The following NUGGC variants were observed in gnomAD, a reference collection of about 807,000 sequenced individuals.
NUGGC encodes the protein nuclear GTPase, germinal center associated, also known as nuclear GTPase SLIP-GC.
Under a neutral mutation model 92.6 loss-of-function variants are expected in NUGGC, and 58 were observed. That is an observed-to-expected ratio of 0.63 (90% CI 0.51 to 0.78). The LOEUF is 0.78. Among genes scored for constraint, NUGGC ranks in the 30% least tolerant of loss-of-function variants. The pLI, the probability that NUGGC is intolerant of heterozygous loss-of-function variation, is 0.00. For missense variants in NUGGC, 925 were observed against 964.6 expected (o/e 0.96, Z 0.54); for synonymous variants, 376 against 366.4 (o/e 1.03, Z -0.30).
chr8:28,041,392 T>A (rs1809695733), intron 12 of NUGGC, among the ~76,000 whole-genome samples, 177 bp from the exon 13 acceptor site: 1 of 152,216 alleles, frequency 6.6e-6, no homozygotes, highest in Non-Finnish European at 1.5e-5. Flanking sequence ...TTAGGCTTTG[T>A]GGGGTTAGAG....
At chr8:28,032,723 GA>G (rs61015850) in intron 14 of NUGGC, among the ~76,000 whole-genome samples, 22,200 of 87,798 alleles carry the variant, frequency 0.25, 1,882 homozygotes, top group East Asian at 0.34. Context: ...TCCATCTCAA[GA>G]AAAAAAAAAA....
chr8:28,033,876 G>A (rs527348310), intron 13 of NUGGC, among the ~76,000 whole-genome samples, 179 bp from the exon 14 acceptor site: 30 of 152,282 alleles, frequency 2.0e-4, no homozygotes, highest in African/African-American at 6.0e-4. Flanking sequence ...CCTCTAGGTC[G>A]TCTGGGTGCC....
intron 12 of NUGGC, among the ~76,000 whole-genome samples, chr8:28,041,740 C>A (rs931478320): frequency 1.3e-5 from 2 of 152,210 alleles, no homozygotes; most frequent in African/African-American, 2.4e-5. Flanking sequence ...GTCTTCCGAG[C>A]TATGGACCAC....
Position 28,058,251 on chromosome 8 carries a change from T to C in NUGGC, c.1116+7A>G. 2.0e-6 allele frequency: 1 copy of C among 497,358 alleles called. No individual in the cohort carries two copies. Among genetic ancestry groups the C allele is most frequent in the Non-Finnish European group, 3.1e-6 (1 of 318,384 alleles). The allele number at this position is 497,358 out of a possible 1,614,324, so 30.8% of individuals were successfully genotyped here. A position where few individuals can be genotyped will look rare whatever the true frequency, so the allele number is the denominator to read the frequency against. On this transcript the variant is annotated splice_region_variant and intron_variant, in intron 9 of 18. Coordinates refer to ENST00000413272, the MANE Select transcript of NUGGC (RefSeq NM_001010906.2). The stretch of plus-strand genomic sequence containing the variant: ...AATAAAAATAAAAAAAACTAGTTCA[T>C]ACTTACATTTCCTGCCTTTCTTTCC...
At chr8:28,074,046 G>A (rs940161571) in intron 2 of NUGGC, among the ~76,000 whole-genome samples, 31 of 151,476 alleles carry the variant, frequency 2.0e-4, no homozygotes, top group African/African-American at 6.3e-4. Context: ...TGATCCACCC[G>A]CCTCAGCCTC....
At chr8:28,070,418 C>T (rs1585599843) in intron 2 of NUGGC, 62 bp from the exon 3 acceptor site, 3 of 861,540 alleles carry the variant, frequency 3.5e-6, no homozygotes, top group Admixed American at 2.2e-5. Flanking sequence ...CTTGCCTCAC[C>T]TCTATCAGCA....
intron 18 of NUGGC, among the ~76,000 whole-genome samples, chr8:28,026,211 T>A (rs1809255442): frequency 6.6e-6 from 1 of 152,260 alleles, no homozygotes; most frequent in Non-Finnish European, 1.5e-5. Flanking sequence ...TCCCCATTTC[T>A]GACTTTAGAA....
At chr8:28,045,318 G>C (rs1809801904) in intron 12 of NUGGC, among the ~76,000 whole-genome samples, 10 of 152,136 alleles carry the variant, frequency 6.6e-5, no homozygotes, top group Admixed American at 6.5e-4. Context: ...CAGCCCATCT[G>C]TCCCAGGTAA....
At chr8:28,081,932 G>A (rs1810861390) in intron 1 of NUGGC, among the ~76,000 whole-genome samples, 1 of 151,788 alleles carries the variant, frequency 6.6e-6, no homozygotes, top group Non-Finnish European at 1.5e-5. Context: ...ACAAGAAGGT[G>A]AGCTGAAGAA....
chr8:28,050,029 G>C (rs1201913161), intron 10 of NUGGC, among the ~76,000 whole-genome samples: 1 of 152,142 alleles, frequency 6.6e-6, no homozygotes, highest in Non-Finnish European at 1.5e-5. Flanking sequence ...AGAGGCTGCA[G>C]TGAGCCATGA....
At chr8:28,031,404 A>C in intron 14 of NUGGC, 23 bp from the exon 15 acceptor site, 1 of 1,610,488 alleles carries the variant, frequency 6.2e-7, no homozygotes, top group South Asian at 1.1e-5. Flanking sequence ...GTGACAAAAA[A>C]GTTTAAGAGA....
chr8:28,055,916 T>C lies in NUGGC; in HGVS notation c.1206+49A>G, dbSNP rs921416654. 13 of 1,049,670 alleles carry C rather than the reference T, an allele frequency of 1.2e-5. No homozygotes were observed. In the African/African-American group the frequency reaches 2.1e-4, roughly 17 times the overall value. 65.0% of individuals were successfully genotyped at this position (1,049,670 alleles called of 1,614,324 possible). A position where few individuals can be genotyped will look rare whatever the true frequency, so the allele number is the denominator to read the frequency against. Reference sequence around the variant, plus strand: ...CCAGGCATACATTTGTCTCCCAAAATCTAGTTGCTGGGATACAGAAAAACA... The same window carrying C: ...CCAGGCATACATTTGTCTCCCAAAACCTAGTTGCTGGGATACAGAAAAACA... On this transcript the variant is annotated intron_variant, in intron 10 of 18. Transcript: ENST00000413272.
chr8:28,044,073 G>A (rs531947702), intron 12 of NUGGC, among the ~76,000 whole-genome samples: 10 of 151,998 alleles, frequency 6.6e-5, no homozygotes, highest in Admixed American at 2.6e-4. Flanking sequence ...ACAACCAAAG[G>A]CTCCAGGTGG....
intron 13 of NUGGC, among the ~76,000 whole-genome samples, chr8:28,038,824 T>G (rs913606415): frequency 1.3e-5 from 2 of 152,092 alleles, no homozygotes; most frequent in African/African-American, 2.4e-5. Context: ...CTGGGTTAGA[T>G]GTGGAGTCCA....
intron 18 of NUGGC, among the ~76,000 whole-genome samples, chr8:28,024,649 C>T (rs1275205714): frequency 3.9e-5 from 6 of 152,168 alleles, no homozygotes; most frequent in African/African-American, 1.4e-4. Flanking sequence ...GCTTTCTGTG[C>T]CCGAGGGTGA....
intron 1 of NUGGC, among the ~76,000 whole-genome samples, chr8:28,079,964 A>C (rs183410321): frequency 2.0e-4 from 31 of 151,474 alleles, no homozygotes; most frequent in Non-Finnish European, 4.4e-4. Flanking sequence ...TTTGAGATGG[A>C]GTTTTTGCTC....
At chr8:28,072,601 A>G (rs1032452644) in intron 2 of NUGGC, among the ~76,000 whole-genome samples, 2 of 152,154 alleles carry the variant, frequency 1.3e-5, no homozygotes, top group African/African-American at 4.8e-5. Flanking sequence ...ATCTGATAAG[A>G]GTTTGGAAGC....
At chr8:28,062,999 C>G (rs996220950) in intron 7 of NUGGC, among the ~76,000 whole-genome samples, 1 of 152,138 alleles carries the variant, frequency 6.6e-6, no homozygotes, top group Non-Finnish European at 1.5e-5. Flanking sequence ...CCCAGGCCCC[C>G]GCTATGAGAA....
chr8:28,027,991 T>C (rs1160030320), intron 17 of NUGGC, among the ~76,000 whole-genome samples: 5 of 150,434 alleles, frequency 3.3e-5, no homozygotes, highest in African/African-American at 1.2e-4. Context: ...ACATTATGTA[T>C]AAAAAGAAAT....
Sources: gnomAD v4.1 joint callset for allele counts (sites outside exome capture counted in the v4.1 genomes callset) on GRCh38, gnomAD v4.1.1 for gene constraint, MANE v1.5 for transcripts, NCBI Gene and HGNC (gene_info 2026-07-23, HGNC 2026-07-21) for gene names.